The following PTPN5 variants were observed in gnomAD, a reference collection of about 807,000 sequenced individuals.
PTPN5 encodes the protein tyrosine-protein phosphatase non-receptor type 5.
In PTPN5, 29 loss-of-function variants were observed where a neutral mutation model predicts 73.9. The observed-to-expected ratio is 0.39, with a 90% confidence interval of 0.29 to 0.54. The LOEUF (loss-of-function observed/expected upper bound fraction) is 0.54, where lower values mean the gene tolerates loss of function less well. Among genes scored for constraint, PTPN5 ranks in the 20% least tolerant of loss-of-function variants. The probability of loss-of-function intolerance (pLI) is 0.65; values close to 1 mark genes in which losing one functional copy is unlikely to be tolerated. For missense variants in PTPN5, 652 were observed against 751.4 expected, an observed-to-expected ratio of 0.87 and a Z score of 1.55; for synonymous variants, 267 against 304.7, an observed-to-expected ratio of 0.88 and a Z score of 1.29.
intron 1 of PTPN5, among the ~76,000 whole-genome samples, chr11:18,787,743 C>G (rs1443392492): frequency 6.6e-6 from 1 of 152,180 alleles, no homozygotes; most frequent in East Asian, 1.9e-4. Context: ...CATCCCTCTT[C>G]CTACTTAATT....
chr11:18,784,618 T>C (rs1472467776), intron 1 of PTPN5, among the ~76,000 whole-genome samples: 2 of 152,222 alleles, frequency 1.3e-5, no homozygotes, highest in African/African-American at 2.4e-5. Flanking sequence ...CACAAAATTA[T>C]ACAGTTAACA....
chr11:18,740,426 G>A, intron 8 of PTPN5, 177 bp downstream of exon 8: 1 of 491,512 alleles, frequency 2.0e-6, no homozygotes, highest in Non-Finnish European at 3.5e-6. Context: ...TTTTCCAGAT[G>A]AGGAAACTGA....
At position 18,744,178 on chromosome 11, in the gene PTPN5, A is replaced by G; in HGVS notation, c.119T>C (p.Met40Thr). Reference protein sequence around the residue: ...RLPGLPQPIVMEALDEAEGLQ... With the variant: ...RLPGLPQPIVTEALDEAEGLQ... ...CCCTTCAGCCTCGTCCAGTGCCTCC[A>G]TCACTATCGGCTGGGGGAGACCTGT... Residue 40 changes from methionine (M) to threonine (T), a missense_variant, in exon 4 of 15, where the codon ATG (methionine) becomes ACG (threonine). Met to Thr is a moderately conservative substitution (Grantham distance 81). Coordinates refer to ENST00000358540, the MANE Select transcript of PTPN5 (RefSeq NM_006906.2). 8 of 1,575,988 alleles carry G rather than the reference A, an allele frequency of 5.1e-6. No individual in the cohort carries two copies. The highest frequency in any genetic ancestry group is 6.9e-6 in the Non-Finnish European group (8 of 1,163,916).
chr11:18,744,359 T>A, intron 3 of PTPN5, 160 bp from the exon 4 acceptor site: 1 of 498,066 alleles, frequency 2.0e-6, no homozygotes, highest in Non-Finnish European at 3.3e-6. Flanking sequence ...AATATTCACC[T>A]ACCTTCGTCA....
chr11:18,763,502 C>T (rs1564915954), intron 3 of PTPN5, among the ~76,000 whole-genome samples: 2 of 152,118 alleles, frequency 1.3e-5, no homozygotes, highest in Non-Finnish European at 2.9e-5. Context: ...ATTCCATGAC[C>T]AAAACTCTTC....
intron 3 of PTPN5, among the ~76,000 whole-genome samples, chr11:18,757,938 G>A (rs1850227385): frequency 6.6e-6 from 1 of 152,192 alleles, no homozygotes. Flanking sequence ...ACACAGCTGT[G>A]CTCTTTGAAG....
At chr11:18,786,008 G>A (rs551632264) in intron 1 of PTPN5, among the ~76,000 whole-genome samples, 212 of 152,270 alleles carry the variant, frequency 1.4e-3, no homozygotes, top group Non-Finnish European at 2.7e-3. Context: ...CTTGAGTCAC[G>A]CTTGCTTCAA....
At chr11:18,761,170 C>T (rs544827815) in intron 3 of PTPN5, among the ~76,000 whole-genome samples, 93 of 152,324 alleles carry the variant, frequency 6.1e-4, no homozygotes, top group African/African-American at 2.2e-3. Flanking sequence ...TCCCTGCAGG[C>T]CTGCCCACGA....
chr11:18,766,186 C>T (rs1052388251), intron 2 of PTPN5, among the ~76,000 whole-genome samples: 1 of 152,172 alleles, frequency 6.6e-6, no homozygotes, highest in African/African-American at 2.4e-5. Flanking sequence ...AAGCACTTTG[C>T]AAACTTTATC....
At chr11:18,752,147 C>T (rs946673464) in intron 3 of PTPN5, among the ~76,000 whole-genome samples, 1 of 152,184 alleles carries the variant, frequency 6.6e-6, no homozygotes, top group Non-Finnish European at 1.5e-5. Context: ...AAGAGAATTG[C>T]TTGAACCTGG....
At chr11:18,780,367 C>A (rs538434031) in intron 1 of PTPN5, among the ~76,000 whole-genome samples, 31 of 152,340 alleles carry the variant, frequency 2.0e-4, no homozygotes, top group Non-Finnish European at 4.0e-4. Context: ...CCTGCCCCAG[C>A]CATGCTCCCT....
intron 12 of PTPN5, among the ~76,000 whole-genome samples, 163 bp downstream of exon 12, chr11:18,732,429 A>G (rs1330266773): frequency 6.6e-6 from 1 of 152,190 alleles, no homozygotes; most frequent in Non-Finnish European, 1.5e-5. Context: ...TCTGGCTCCC[A>G]AGTCCATTCA....
chr11:18,777,955 GAAGAAAGGAAGGAAGGAAGGAAGA>G (rs1472625955), intron 1 of PTPN5, among the ~76,000 whole-genome samples: 1 of 143,136 alleles, frequency 7.0e-6, no homozygotes, highest in Non-Finnish European at 1.5e-5. Flanking sequence ...AAAAAGAAAG[GAAGAAAGGAAGGAAGGAAGGAAGA>G]AAGAAAGAAA....
intron 2 of PTPN5, among the ~76,000 whole-genome samples, chr11:18,766,579 G>A (rs10832983): frequency 0.43 from 64,962 of 152,090 alleles, 16,437 homozygotes; most frequent in Non-Finnish European, 0.56. Flanking sequence ...CCTCTTTCTA[G>A]CCTATTAGGG....
rs536814045 is a variant in PTPN5, at chr11:18,779,766, A to T, written c.-113-7695T>A. Among the ~76,000 whole-genome samples the T allele has an allele frequency of 9.2e-5, 14 of 152,252 alleles. No individual in the cohort carries two copies. In the South Asian group the frequency reaches 2.9e-3, roughly 32 times the overall value. ...CAGACTGACCATTCTGAGATCACAT[A>T]TTGTAAGGCAACCCTGGTCCTCCGG... On this transcript the variant is annotated intron_variant, in intron 1 of 14. Coordinates refer to ENST00000358540, the MANE Select transcript of PTPN5 (RefSeq NM_006906.2).
Position 18,742,693 on chromosome 11 carries a change from C to T in PTPN5, c.484-190G>A, listed in dbSNP as rs995193579. On this transcript the variant is annotated intron_variant, in intron 6 of 14. Coordinates refer to ENST00000358540, the MANE Select transcript of PTPN5 (RefSeq NM_006906.2). The surrounding 1 kb of genome is among the most constrained non-coding windows in gnomAD (Gnocchi z 4.1). ...GCTCCATGCCCACTCTCCTTCCCTG[C>T]CCCTCCCTCTCCCAGCTCTCTGTTT... 2.0e-5 allele frequency among the ~76,000 whole-genome samples: 3 copies of T among 152,158 alleles called. No individual in the cohort carries two copies. The highest frequency in any genetic ancestry group is 7.2e-5 in the African/African-American group (3 of 41,422).
intron 3 of PTPN5, among the ~76,000 whole-genome samples, chr11:18,753,909 G>A (rs184523821): frequency 3.9e-5 from 6 of 152,236 alleles, no homozygotes; most frequent in Middle Eastern, 3.4e-3. Flanking sequence ...AAAAGAACAA[G>A]ATTTAACACA....
intron 1 of PTPN5, among the ~76,000 whole-genome samples, chr11:18,774,690 G>A (rs1851062192): frequency 6.6e-6 from 1 of 152,254 alleles, no homozygotes; most frequent in South Asian, 2.1e-4. Context: ...AGGGGCTCAT[G>A]ATTGAAGCCA....
At position 18,742,178 on chromosome 11, in the gene PTPN5, A is replaced by G; in HGVS notation, c.725+84T>C. Reference sequence around the variant, plus strand: ...GGCCAGCTCTGCCCTGGGCACCAGGAGTCAGAGTCAGGCATCCACTCTTCT... The same window carrying G: ...GGCCAGCTCTGCCCTGGGCACCAGGGGTCAGAGTCAGGCATCCACTCTTCT... On this transcript the variant is annotated intron_variant, in intron 7 of 14. Coordinates refer to ENST00000358540, the MANE Select transcript of PTPN5 (RefSeq NM_006906.2). The surrounding 1 kb of genome is among the most constrained non-coding windows in gnomAD (Gnocchi z 4.1). 1 of 1,563,266 alleles carries G rather than the reference A, an allele frequency of 6.4e-7. No individual in the cohort carries two copies. Among genetic ancestry groups the G allele is most frequent in the Non-Finnish European group, 8.7e-7 (1 of 1,148,110 alleles).
Sources: gnomAD v4.1 joint callset for allele counts (sites outside exome capture counted in the v4.1 genomes callset) on GRCh38, gnomAD v4.1.1 for gene constraint, Gnocchi (gnomAD v3.1) non-coding constraint, MANE v1.5 for transcripts, NCBI Gene and HGNC (gene_info 2026-07-23, HGNC 2026-07-21) for gene names.